Variants in P2RY8 observed in about 807,000 individuals in gnomAD.
The protein encoded by P2RY8 is P2Y receptor family member 8.
In P2RY8, 6 loss-of-function variants were observed where a neutral mutation model predicts 10.0. That is an observed-to-expected ratio of 0.60 (90% CI 0.33 to 1.19). The LOEUF (loss-of-function observed/expected upper bound fraction) is 1.19. Among genes scored for constraint, P2RY8 ranks in the 50% most tolerant of loss-of-function variants. P2RY8 has a pLI of 0.04. For synonymous variants in P2RY8, 276 were observed against 252.5 expected (o/e 1.09, Z -0.88); for missense variants, 456 against 542.0 (o/e 0.84, Z 1.58).
intron 1 of P2RY8, among the ~76,000 whole-genome samples, chrX:1,520,086 T>A (rs1348434967): frequency 6.6e-6 from 1 of 151,732 alleles, no homozygotes; most frequent in Non-Finnish European, 1.5e-5. Context: ...TGATCTCCAA[T>A]TATCACCTTG....
chrX:1,467,549 C>T (rs1479629019), intron 1 of P2RY8, among the ~76,000 whole-genome samples: 1 of 152,092 alleles, frequency 6.6e-6, no homozygotes, highest in Non-Finnish European at 1.5e-5. Context: ...CCGTGGGGGA[C>T]GTCTGGAAGG....
intron 1 of P2RY8, among the ~76,000 whole-genome samples, chrX:1,482,538 T>G (rs1182866092): frequency 3.3e-5 from 5 of 152,164 alleles, no homozygotes; most frequent in African/African-American, 1.2e-4. Context: ...GCTCTAGACA[T>G]GAAGTCCTTG....
At chrX:1,509,048 T>C (rs1378199396) in intron 1 of P2RY8, among the ~76,000 whole-genome samples, 8 of 138,318 alleles carry the variant, frequency 5.8e-5, no homozygotes, top group East Asian at 2.2e-4. Context: ...CCATTTATTC[T>C]ATCTATGCAT....
In P2RY8 at chrX:1,464,997, G is replaced by A. The variant is rs1207476365; in HGVS notation, c.*482C>T. ...ACAACTAAGGGACGATGTCAGCAGG[G>A]AGAAGAGCTGGGAATGGGGCTCGCA... On this transcript the variant is annotated 3_prime_UTR_variant, in exon 2 of 2. Transcript: ENST00000381297. The A allele has an allele frequency of 4.0e-6, 1 of 247,948 alleles. No individual in the cohort carries two copies. Among genetic ancestry groups the A allele is most frequent in the East Asian group, 5.9e-5 (1 of 16,936 alleles). 15.4% of individuals were successfully genotyped at this position (247,948 alleles called of 1,614,324 possible). A position where few individuals can be genotyped will look rare whatever the true frequency, so the allele number is the denominator to read the frequency against.
At chrX:1,509,977 C>CCATA (rs2092286912) in intron 1 of P2RY8, among the ~76,000 whole-genome samples, 1 of 70,474 alleles carries the variant, frequency 1.4e-5, no homozygotes. Flanking sequence ...ATCCATCCAT[C>CCATA]CATCCATCAT....
Position 1,483,095 on chromosome X carries a change from A to G in P2RY8, c.-24-16513T>C, listed in dbSNP as rs190281245. ...GTACCCTAAAACTTAAATGAAAGAT[A>G]AAATCAATTATTTTAATTTAAATAA... is the stretch of plus-strand genomic sequence containing the variant. On this transcript the variant is annotated intron_variant, in intron 1 of 1. Transcript: ENST00000381297. Among the ~76,000 whole-genome samples the G allele has an allele frequency of 2.0e-3, 298 of 152,358 alleles. 1 individual carries two copies. Among genetic ancestry groups the G allele is most frequent in the African/African-American group, 6.8e-3 (284 of 41,594 alleles).
At chrX:1,484,550 C>G (rs185965366) in intron 1 of P2RY8, among the ~76,000 whole-genome samples, 17 of 151,498 alleles carry the variant, frequency 1.1e-4, no homozygotes, top group African/African-American at 3.9e-4. Context: ...CAAGGCAAAG[C>G]CTCGTCTGTA....
intron 1 of P2RY8, among the ~76,000 whole-genome samples, chrX:1,512,862 T>G (rs1446169823): frequency 2.0e-5 from 3 of 151,908 alleles, no homozygotes; most frequent in Non-Finnish European, 2.9e-5. Flanking sequence ...ATTATTATTA[T>G]TTAATTTTAC....
chrX:1,511,698 T>C (rs1168059341), intron 1 of P2RY8, among the ~76,000 whole-genome samples: 3 of 152,172 alleles, frequency 2.0e-5, no homozygotes, highest in Non-Finnish European at 2.9e-5. Context: ...CTCGTGATTT[T>C]AAGTTGACAC....
At position 1,529,906 on chromosome X, in the gene P2RY8, G is replaced by T. The variant is rs368924966; in HGVS notation, c.-25+7015C>A. ...ATGTCTGAGGACAGTTCTGGTTGTCGCAACTGTGGGGGTGCTCCTGGCATC... is the reference window on the plus strand; with the variant it reads ...ATGTCTGAGGACAGTTCTGGTTGTCTCAACTGTGGGGGTGCTCCTGGCATC... On this transcript the variant is annotated intron_variant, in intron 1 of 1. Transcript: ENST00000381297. 1.9e-3 allele frequency among the ~76,000 whole-genome samples: 281 copies of T among 151,794 alleles called. 1 individual carries two copies. The highest frequency in any genetic ancestry group is 5.7e-3 in the African/African-American group (236 of 41,402).
intron 1 of P2RY8, among the ~76,000 whole-genome samples, chrX:1,524,050 A>C (rs1385737283): frequency 6.6e-6 from 1 of 152,194 alleles, no homozygotes; most frequent in Non-Finnish European, 1.5e-5. Flanking sequence ...ATAAAACAGC[A>C]GTATTTATTT....
rs192409938 is a variant in P2RY8 at position 1,527,337 on chromosome X, C to T, written c.-25+9584G>A. 1.1e-3 allele frequency among the ~76,000 whole-genome samples: 163 copies of T among 151,912 alleles called. No homozygotes were observed. The South Asian group carries it at 0.032, about 29-fold the overall frequency. ...TCATCTATCCATCCATCCATCCATC[C>T]GTTTATCCATCCACTTATCCATACA... On this transcript the variant is annotated intron_variant, in intron 1 of 1. Coordinates refer to ENST00000381297, the MANE Select transcript of P2RY8 (RefSeq NM_178129.5).
intron 1 of P2RY8, among the ~76,000 whole-genome samples, chrX:1,508,112 G>C (rs1368169570): frequency 2.6e-5 from 4 of 152,190 alleles, no homozygotes; most frequent in Admixed American, 2.6e-4. Context: ...CCTAGGGCAG[G>C]TCACATAAGA....
At chrX:1,533,717 ATTAT>A (rs1438805469) in intron 1 of P2RY8, among the ~76,000 whole-genome samples, 3 of 124,538 alleles carry the variant, frequency 2.4e-5, no homozygotes, top group African/African-American at 9.7e-5. Context: ...TTATATATTC[ATTAT>A]TTAAATATAT....
Position 1,464,336 on chromosome X carries a change from C to T in P2RY8, c.*1143G>A, listed in dbSNP as rs1182090356. ...GTGTAGAAGAAGACAGACAAAGACCCAGCCTGCTCACCACCCACACAGCAG... is the reference window on the plus strand; with the variant it reads ...GTGTAGAAGAAGACAGACAAAGACCTAGCCTGCTCACCACCCACACAGCAG... On this transcript the variant is annotated 3_prime_UTR_variant, in exon 2 of 2. Transcript: ENST00000381297. The T allele has an allele frequency of 1.7e-5, 4 of 233,468 alleles. No homozygotes were observed. Among genetic ancestry groups the T allele is most frequent in the African/African-American group, 6.6e-5 (3 of 45,362 alleles). 14.5% of individuals were successfully genotyped at this position (233,468 alleles called of 1,614,324 possible).
chrX:1,529,915 G>A (rs1214671323), intron 1 of P2RY8, among the ~76,000 whole-genome samples: 1 of 151,856 alleles, frequency 6.6e-6, no homozygotes, highest in Non-Finnish European at 1.5e-5. Flanking sequence ...CGCAACTGTG[G>A]GGGTGCTCCT....
chrX:1,473,385 GT>G (rs2091821851), intron 1 of P2RY8, among the ~76,000 whole-genome samples: 2 of 29,648 alleles, frequency 6.7e-5, no homozygotes, highest in African/African-American at 1.5e-4. Flanking sequence ...GGGTGGGTGG[GT>G]GGATGGGTGG....
intron 1 of P2RY8, among the ~76,000 whole-genome samples, chrX:1,500,699 A>T (rs28535656): frequency 0.23 from 34,258 of 151,752 alleles, 4,086 homozygotes; most frequent in Middle Eastern, 0.38. Context: ...CCTCCAACCT[A>T]GCCCTCCCAA....
At chrX:1,477,592 A>C (rs1248256462) in intron 1 of P2RY8, among the ~76,000 whole-genome samples, 1 of 152,170 alleles carries the variant, frequency 6.6e-6, no homozygotes, top group Non-Finnish European at 1.5e-5. Flanking sequence ...TTATCCATTC[A>C]ATAGTTTGCA....
Sources: allele counts gnomAD v4.1 joint callset (sites outside exome capture counted in the v4.1 genomes callset), GRCh38; gene constraint gnomAD v4.1.1; transcripts MANE v1.5; gene names NCBI Gene and HGNC (gene_info 2026-07-23, HGNC 2026-07-21).